The following MAN1A2 variants were observed in gnomAD, a reference collection of about 807,000 sequenced individuals.
MAN1A2 encodes mannosyl-oligosaccharide 1,2-alpha-mannosidase IB.
A neutral mutation model predicts 75.7 loss-of-function variants in MAN1A2; 26 were observed. That is an observed-to-expected ratio of 0.34 (90% CI 0.25 to 0.48). The LOEUF (loss-of-function observed/expected upper bound fraction) is 0.48, where lower values mean the gene tolerates loss of function less well. Among genes scored for constraint, MAN1A2 ranks in the 20% least tolerant of loss-of-function variants. MAN1A2 has a pLI of 0.99. For missense variants in MAN1A2, 562 were observed against 775.5 expected, an observed-to-expected ratio of 0.72 and a Z score of 3.27; for synonymous variants, 247 against 264.6, an observed-to-expected ratio of 0.93 and a Z score of 0.65.
intron 7 of MAN1A2, among the ~76,000 whole-genome samples, chr1:117,462,711 C>T (rs1370586958): frequency 6.6e-6 from 1 of 152,162 alleles, no homozygotes; most frequent in Non-Finnish European, 1.5e-5. Context: ...AGCAGCTGAG[C>T]TTGTGGAAAA....
chr1:117,421,738 C>T (rs1369998968), intron 5 of MAN1A2, among the ~76,000 whole-genome samples: 2 of 151,344 alleles, frequency 1.3e-5, no homozygotes, highest in Admixed American at 6.6e-5. Context: ...TTGTTTATAC[C>T]TCTAACATAT....
At chr1:117,514,467 G>A (rs1651650546) in intron 12 of MAN1A2, among the ~76,000 whole-genome samples, 1 of 151,864 alleles carries the variant, frequency 6.6e-6, no homozygotes, top group Admixed American at 6.6e-5. Context: ...TGATGTTATT[G>A]TCGTATCCTC....
At position 117,502,705 on chromosome 1, in the gene MAN1A2, A is replaced by C. The variant is rs542961776; in HGVS notation, c.1678-150A>C. 3.5e-5 allele frequency: 20 copies of C among 574,906 alleles called. No homozygotes were observed. The African/African-American group carries it at 3.5e-4, about 10-fold the overall frequency. 35.6% of individuals were successfully genotyped at this position (574,906 alleles called of 1,614,324 possible). A position where few individuals can be genotyped will look rare whatever the true frequency, so the allele number is the denominator to read the frequency against. ...TATGAGTTAATTTTTCCAGTATGAG[A>C]ATATTTCCTTTTGATAATATATTAT... On this transcript the variant is annotated intron_variant, in intron 11 of 12. Coordinates refer to ENST00000356554, the MANE Select transcript of MAN1A2 (RefSeq NM_006699.5).
intron 1 of MAN1A2, among the ~76,000 whole-genome samples, chr1:117,369,282 A>G (rs991092311): frequency 6.6e-6 from 1 of 152,240 alleles, no homozygotes; most frequent in Non-Finnish European, 1.5e-5. Context: ...GGGAGAGCAT[A>G]GCCAAACTAG....
At chr1:117,439,605 G>A (rs1648961700) in intron 5 of MAN1A2, among the ~76,000 whole-genome samples, 1 of 151,484 alleles carries the variant, frequency 6.6e-6, no homozygotes, top group East Asian at 1.9e-4. Flanking sequence ...ATGATTCTCC[G>A]GCCTCAGCCT....
In MAN1A2 at chr1:117,427,854, A is replaced by G. The variant is rs546589195; in HGVS notation, c.855+7205A>G. ...TTATGTGAATGCTTAGGCAAAAACC[A>G]TAGCATTTTATATTGGGTTATAACA... On this transcript the variant is annotated intron_variant, in intron 5 of 12. Transcript: ENST00000356554. Among the ~76,000 whole-genome samples the G allele has an allele frequency of 2.9e-3, 436 of 152,348 alleles. 3 individuals carry two copies. Among genetic ancestry groups the G allele is most frequent in the Middle Eastern group, 0.01 (3 of 294 alleles).
intron 8 of MAN1A2, among the ~76,000 whole-genome samples, chr1:117,474,493 A>G (rs1335490401): frequency 4.0e-5 from 6 of 149,806 alleles, no homozygotes. Flanking sequence ...CCATTTCTTT[A>G]TTTTCAAGTT....
At chr1:117,377,187 G>C (rs1486575630) in intron 1 of MAN1A2, among the ~76,000 whole-genome samples, 1 of 152,174 alleles carries the variant, frequency 6.6e-6, no homozygotes, top group East Asian at 1.9e-4. Flanking sequence ...CTGATACAAA[G>C]TTTGTATGTG....
chr1:117,415,648 A>T (rs1313948451), intron 4 of MAN1A2, among the ~76,000 whole-genome samples: 1 of 133,426 alleles, frequency 7.5e-6, no homozygotes, highest in Admixed American at 7.3e-5. Flanking sequence ...AAAGAGCTTA[A>T]ACAAGATAGA....
At chr1:117,400,483 C>A (rs1647386646) in intron 1 of MAN1A2, among the ~76,000 whole-genome samples, 1 of 147,238 alleles carries the variant, frequency 6.8e-6, no homozygotes, top group African/African-American at 2.5e-5. Context: ...AAAAAAAAAA[C>A]TCCCTTGTGT....
chr1:117,522,702 T>C (rs1450288358), intron 12 of MAN1A2, 123 bp from the exon 13 acceptor site: 3 of 797,808 alleles, frequency 3.8e-6, no homozygotes, highest in Non-Finnish European at 6.1e-6. Flanking sequence ...GTTTATTTCT[T>C]TGATGTTTTT....
At chr1:117,404,732 C>T (rs1421814954) in intron 2 of MAN1A2, among the ~76,000 whole-genome samples, 2 of 152,098 alleles carry the variant, frequency 1.3e-5, no homozygotes, top group Non-Finnish European at 2.9e-5. Context: ...AACCTGTGGG[C>T]CAAATTCTGC....
At chr1:117,377,327 A>T (rs1030870909) in intron 1 of MAN1A2, among the ~76,000 whole-genome samples, 1 of 152,244 alleles carries the variant, frequency 6.6e-6, no homozygotes, top group African/African-American at 2.4e-5. Flanking sequence ...CACGCTGAGT[A>T]AGGTGAACAT....
intron 6 of MAN1A2, among the ~76,000 whole-genome samples, chr1:117,442,850 A>G (rs1649088565): frequency 6.6e-6 from 1 of 152,176 alleles, no homozygotes; most frequent in East Asian, 1.9e-4. Flanking sequence ...GTGAAGTTCA[A>G]AGTGAACTCT....
At chr1:117,434,023 A>G (rs1648765129) in intron 5 of MAN1A2, among the ~76,000 whole-genome samples, 1 of 152,202 alleles carries the variant, frequency 6.6e-6, no homozygotes, top group Non-Finnish European at 1.5e-5. Context: ...TTTGTCAGAC[A>G]GATAGAATGA....
At chr1:117,407,744 G>C (rs1291059170) in intron 3 of MAN1A2, among the ~76,000 whole-genome samples, 2 of 152,104 alleles carry the variant, frequency 1.3e-5, no homozygotes, top group Non-Finnish European at 2.9e-5. Flanking sequence ...TGAATTCCTG[G>C]TGTATATCTG....
chr1:117,495,050 T>A (rs1292925326), intron 9 of MAN1A2: 3 of 151,840 alleles, frequency 2.0e-5, no homozygotes, highest in Non-Finnish European at 4.4e-5. Flanking sequence ...TTGCTTAATT[T>A]TTTCCAAAGG....
At chr1:117,517,729 C>A (rs1295829240) in intron 12 of MAN1A2, among the ~76,000 whole-genome samples, 1 of 151,890 alleles carries the variant, frequency 6.6e-6, no homozygotes, top group Non-Finnish European at 1.5e-5. Context: ...CAAAAAAACC[C>A]TTTTTTTGAA....
At chr1:117,391,205 T>C (rs1653707477) in intron 1 of MAN1A2, among the ~76,000 whole-genome samples, 1 of 152,164 alleles carries the variant, frequency 6.6e-6, no homozygotes, top group Non-Finnish European at 1.5e-5. Flanking sequence ...TTGAAACTTG[T>C]TTTATGACCT....
Sources: gnomAD v4.1 joint callset for allele counts (sites outside exome capture counted in the v4.1 genomes callset) on GRCh38, gnomAD v4.1.1 for gene constraint, MANE v1.5 for transcripts, NCBI Gene and HGNC (gene_info 2026-07-23, HGNC 2026-07-21) for gene names.